INO80E: variants seen among roughly 807,000 people sequenced by gnomAD.
INO80E encodes INO80 complex subunit E, also known as coiled-coil domain containing 95.
INO80E carries 20 observed loss-of-function variants against 27.3 expected under a neutral mutation model. The observed-to-expected ratio is 0.73, with a 90% CI of 0.51 to 1.06. INO80E has a LOEUF of 1.06. Ranked by LOEUF, INO80E falls within the 50% of genes least tolerant of loss-of-function variation. INO80E has a pLI of 0.00. For synonymous variants in INO80E, 167 were observed against 145.9 expected (o/e 1.14, Z -1.04); for missense variants, 357 against 322.8 (o/e 1.11, Z -0.81).
intron 1 of INO80E, 66 bp from the exon 2 acceptor site, chr16:29,996,481 G>A (rs2070118288): frequency 6.4e-7 from 1 of 1,550,948 alleles, no homozygotes; most frequent in African/African-American, 1.4e-5. Context: ...TGGGGCGAGC[G>A]GCCGCTGGTT....
In INO80E at chr16:30,000,795, G is replaced by A. The variant is rs769781982; in HGVS notation, c.243G>A (p.Thr81=). The part of the protein sequence containing the change: ...DATASSDNSE[T]EGTPKLSDTP... ...CTGCATCATCAGATAACAGCGAGAC[G>A]GAGGGGACACCCAAGTTGTCTGACA... Residue 81 remains threonine (T), a synonymous_variant, in exon 4 of 7, where the codon ACG becomes ACA. Coordinates refer to ENST00000563197, the MANE Select transcript of INO80E (RefSeq NM_173618.3). 4.6e-5 allele frequency: 74 copies of A among 1,614,062 alleles called. No homozygotes were observed. The highest frequency in any genetic ancestry group is 5.5e-5 in the Non-Finnish European group (65 of 1,180,016).
intron 6 of INO80E, chr16:30,001,765 T>G (rs1321041160): frequency 1.4e-5 from 7 of 490,926 alleles, no homozygotes; most frequent in Non-Finnish European, 2.5e-5. Flanking sequence ...GATCCCGCCC[T>G]TTCATGGCTG....
chr16:29,996,332 G>A lies in INO80E; in HGVS notation c.22G>A (p.Glu8Lys). The change falls in exon 1 of 7, where the codon GAA (glutamate) becomes AAA (lysine). Residue 8 changes from glutamate (E) to lysine (K), a missense_variant. Glu to Lys is a moderately conservative substitution (Grantham distance 56, BLOSUM62 1). Coordinates refer to ENST00000563197, the MANE Select transcript of INO80E (RefSeq NM_173618.3). MNGPADG[E>K]VDYKKKYRNL... ...GGTCATGAACGGGCCGGCGGACGGC[G>A]AAGTGGACTACAAAAAAAAATACCG... 4 of 1,596,670 alleles carry A rather than the reference G, an allele frequency of 2.5e-6. No individual in the cohort carries two copies. The highest frequency in any genetic ancestry group is 3.4e-6 in the Non-Finnish European group (4 of 1,171,836).
At chr16:29,996,667 C>T in intron 2 of INO80E, 50 bp downstream of exon 2, 1 of 1,583,098 alleles carries the variant, frequency 6.3e-7, no homozygotes, top group Non-Finnish European at 8.6e-7. Flanking sequence ...AGGAAATCTA[C>T]ATTCGGACCC....
chr16:30,001,194 C>G (rs763336500), intron 5 of INO80E, 154 bp downstream of exon 5: 4 of 1,476,026 alleles, frequency 2.7e-6, no homozygotes, highest in Non-Finnish European at 3.6e-6. Context: ...CGGGGCTGCC[C>G]CCTTCTCTCT....
In INO80E at chr16:30,001,407, C is replaced by G. The variant is rs774835300; in HGVS notation, c.397-7C>G. 7.6e-6 allele frequency: 12 copies of G among 1,584,046 alleles called. No individual in the cohort carries two copies. In the South Asian group the frequency reaches 1.4e-4, roughly 18 times the overall value. ...CCTCCCATCTCCATCCCCGCTCCCGCCCGCAGCTGGCCTCCTCCCGCTACC... is the reference window on the plus strand; with the variant it reads ...CCTCCCATCTCCATCCCCGCTCCCGGCCGCAGCTGGCCTCCTCCCGCTACC... On this transcript the variant is annotated splice_region_variant and splice_polypyrimidine_tract_variant and intron_variant, in intron 5 of 6. Coordinates refer to ENST00000563197, the MANE Select transcript of INO80E (RefSeq NM_173618.3).
chr16:30,001,051 G>A lies in INO80E; in HGVS notation c.396+11G>A, dbSNP rs374571154. 1.8e-4 allele frequency: 277 copies of A among 1,536,536 alleles called. 1 individual carries two copies. The highest frequency in any genetic ancestry group is 2.3e-4 in the Non-Finnish European group (261 of 1,140,044). On this transcript the variant is annotated intron_variant, in intron 5 of 6. Transcript: ENST00000563197. ...CCATACCTGAGCTCGGTGAGTTGGG[G>A]TCAGGGATGGGAAGTGCTTGGGAGT...
intron 3 of INO80E, among the ~76,000 whole-genome samples, chr16:29,998,123 C>G (rs911042269): frequency 6.6e-6 from 1 of 151,962 alleles, no homozygotes; most frequent in African/African-American, 2.4e-5. Context: ...AACCCTGTCT[C>G]TACTAAAAAT....
Position 30,005,505 on chromosome 16 carries a change from G to A in INO80E, c.*63G>A, listed in dbSNP as rs1452592591. The A allele has an allele frequency of 1.4e-5, 20 of 1,449,150 alleles. No individual in the cohort carries two copies. Among genetic ancestry groups the A allele is most frequent in the East Asian group, 2.5e-5 (1 of 39,876 alleles). 89.8% of individuals were successfully genotyped at this position (1,449,150 alleles called of 1,614,324 possible). ...GCGCCCTCCCCGTGCCAGCACACACGAGTCCAGCTTCCTCGGAGGTGTTTA... is the reference window on the plus strand; with the variant it reads ...GCGCCCTCCCCGTGCCAGCACACACAAGTCCAGCTTCCTCGGAGGTGTTTA... On this transcript the variant is annotated 3_prime_UTR_variant, in exon 7 of 7. Coordinates refer to ENST00000563197, the MANE Select transcript of INO80E (RefSeq NM_173618.3).
chr16:30,005,494 C>T lies in INO80E; in HGVS notation c.*52C>T. On this transcript the variant is annotated 3_prime_UTR_variant, in exon 7 of 7. Coordinates refer to ENST00000563197, the MANE Select transcript of INO80E (RefSeq NM_173618.3). ...GGCCCCGCCCGGCGCCCTCCCCGTG[C>T]CAGCACACACGAGTCCAGCTTCCTC... 5 of 1,502,038 alleles carry T rather than the reference C, an allele frequency of 3.3e-6. No individual in the cohort carries two copies. The highest frequency in any genetic ancestry group is 4.5e-6 in the Non-Finnish European group (5 of 1,102,872). The allele number at this position is 1,502,038 out of a possible 1,614,324, so 93.0% of individuals were successfully genotyped here. A position where few individuals can be genotyped will look rare whatever the true frequency, so the allele number is the denominator to read the frequency against.
In INO80E at chr16:30,003,262, T is replaced by C. The variant is rs1262225005; in HGVS notation, c.513+1732T>C. ...GGAGAACGTGTAAGCCCAGGGTGAG[T>C]GGATTTGGATATTCCTGGCTGAAGC... is the stretch of plus-strand genomic sequence containing the variant. On this transcript the variant is annotated intron_variant, in intron 6 of 6. Coordinates refer to ENST00000563197, the MANE Select transcript of INO80E (RefSeq NM_173618.3). The surrounding 1 kb of genome is among the most constrained non-coding windows in gnomAD (Gnocchi z 4.4). 1 of 151,348 alleles carries C rather than the reference T, an allele frequency of 6.6e-6. No homozygotes were observed. Among genetic ancestry groups the C allele is most frequent in the African/African-American group, 2.4e-5 (1 of 41,032 alleles). The allele number at this position is 151,348 out of a possible 1,614,324, so 9.4% of individuals were successfully genotyped here.
rs762793548 is a variant in INO80E at position 30,001,543 on chromosome 16, G to A, written c.513+13G>A. ...CCGGAAACTCAAGGTACCCTGACGT[G>A]GGGGTGCTAGGGAGGGGCAGGACGG... On this transcript the variant is annotated intron_variant, in intron 6 of 6. Transcript: ENST00000563197. 10 of 1,608,136 alleles carry A rather than the reference G, an allele frequency of 6.2e-6. No homozygotes were observed. The highest frequency in any genetic ancestry group is 8.5e-6 in the Non-Finnish European group (10 of 1,177,042).
At chr16:29,997,118 C>T (rs528460714) in intron 3 of INO80E, among the ~76,000 whole-genome samples, 5 of 152,154 alleles carry the variant, frequency 3.3e-5, no homozygotes, top group African/African-American at 4.8e-5. Flanking sequence ...AATTTATATT[C>T]TAGTTGGGAA....
At chr16:29,997,628 C>A (rs2150923030) in intron 3 of INO80E, among the ~76,000 whole-genome samples, 1 of 152,066 alleles carries the variant, frequency 6.6e-6, no homozygotes, top group South Asian at 2.1e-4. Context: ...GTGGCGTGCA[C>A]CTGTAATCCC....
chr16:30,000,184 G>T (rs2070293115), intron 3 of INO80E, among the ~76,000 whole-genome samples: 1 of 152,118 alleles, frequency 6.6e-6, no homozygotes, highest in South Asian at 2.1e-4. Flanking sequence ...AGGAGAGGTG[G>T]TGAGTGGGAA....
chr16:30,001,100 A>G (rs1303752852), intron 5 of INO80E, 60 bp downstream of exon 5: 3 of 1,494,042 alleles, frequency 2.0e-6, no homozygotes, highest in African/African-American at 1.4e-5. Context: ...TTTGGGCAGA[A>G]GGGCTGGGCC....
At chr16:30,001,285 C>G in intron 5 of INO80E, 129 bp from the exon 6 acceptor site, 3 of 1,489,836 alleles carry the variant, frequency 2.0e-6, no homozygotes, top group Non-Finnish European at 2.7e-6. Flanking sequence ...CTTCTGTGCT[C>G]GGGAGCCCCG....
intron 5 of INO80E, 56 bp downstream of exon 5, chr16:30,001,096 C>T (rs2070333777): frequency 1.3e-6 from 2 of 1,494,754 alleles, no homozygotes; most frequent in African/African-American, 1.4e-5. Context: ...GTCATTTGGG[C>T]AGAAGGGCTG....
intron 5 of INO80E, 128 bp downstream of exon 5, chr16:30,001,168 C>G (rs996009388): frequency 6.8e-7 from 1 of 1,472,790 alleles, no homozygotes; most frequent in Non-Finnish European, 9.0e-7. Context: ...CCAAGTGTCC[C>G]GTGGAGGGTG....
Sources: gnomAD v4.1 joint callset for allele counts (sites outside exome capture counted in the v4.1 genomes callset) on GRCh38, gnomAD v4.1.1 for gene constraint, Gnocchi (gnomAD v3.1) non-coding constraint, MANE v1.5 for transcripts, NCBI Gene and HGNC (gene_info 2026-07-23, HGNC 2026-07-21) for gene names.